The following ATG2A variants were observed in gnomAD, a reference collection of about 807,000 sequenced individuals.
The protein encoded by ATG2A is autophagy related 2A, also known as autophagy-related protein 2 homolog A.
A neutral mutation model predicts 214.2 loss-of-function variants in ATG2A; 103 were observed. The observed-to-expected ratio is 0.48, with a 90% CI of 0.41 to 0.57. The LOEUF is 0.57. Ranked by LOEUF, ATG2A falls within the 20% of genes least tolerant of loss-of-function variation. The pLI, the probability that ATG2A is intolerant of heterozygous loss-of-function variation, is 0.00. For missense variants in ATG2A, 2,312 were observed against 2,613.2 expected (o/e 0.88, Z 2.51); for synonymous variants, 1,160 against 1,142.1 (o/e 1.02, Z -0.32).
At chr11:64,908,812 G>C (rs976793586) in intron 16 of ATG2A, among the ~76,000 whole-genome samples, 179 bp downstream of exon 16, 1 of 152,218 alleles carries the variant, frequency 6.6e-6, no homozygotes, top group East Asian at 1.9e-4. Flanking sequence ...GTTTCAGAAA[G>C]ACTCTCTGAC....
In ATG2A at chr11:64,895,168, C is replaced by T. The variant is rs747970190; in HGVS notation, c.5622G>A (p.Ser1874=). 2.5e-6 allele frequency: 4 copies of T among 1,613,108 alleles called. No homozygotes were observed. Among genetic ancestry groups the T allele is most frequent in the Non-Finnish European group, 3.4e-6 (4 of 1,179,632 alleles). ...TCAGCCCCTTCTGCTCATGGCCCCG[C>T]GATGCCACGTCACAGATGGTCTGAG... The part of the protein sequence containing the change: ...DTAQTICDVA[S]RGHEQKGLTG... The change falls in exon 41 of 41, where the codon TCG becomes TCA. Residue 1874 remains serine (S), a synonymous_variant. Transcript: ENST00000377264. This position sits in a 1 kb window ranked among gnomAD's most constrained non-coding sequence, Gnocchi z 5.0.
At chr11:64,908,153 C>CA (rs1944627830) in intron 16 of ATG2A, among the ~76,000 whole-genome samples, 1 of 152,216 alleles carries the variant, frequency 6.6e-6, no homozygotes, top group Non-Finnish European at 1.5e-5. Context: ...CGCGGTGGCT[C>CA]ACGCCTGTAA....
chr11:64,914,693 G>A (rs1307644452), intron 1 of ATG2A, among the ~76,000 whole-genome samples, 193 bp from the exon 2 acceptor site: 1 of 152,088 alleles, frequency 6.6e-6, no homozygotes, highest in Non-Finnish European at 1.5e-5. Flanking sequence ...GTCACCCAAA[G>A]GTGCCTAATC....
rs773248950 is a variant in ATG2A, at chr11:64,916,297, C to CG, written c.171+667dup. On this transcript the variant is annotated intron_variant, in intron 1 of 40. Coordinates refer to ENST00000377264, the MANE Select transcript of ATG2A (RefSeq NM_015104.3). ...CTCCCTCCAGGCAGGGACACTGAGC[C>CG]GGGGGGGTCGGTGGGAGATGTAGGT... is the stretch of plus-strand genomic sequence containing the variant. 8.0e-4 allele frequency among the ~76,000 whole-genome samples: 122 copies of CG among 152,210 alleles called. 1 individual carries two copies. Among genetic ancestry groups the CG allele is most frequent in the Middle Eastern group, 3.4e-3 (1 of 294 alleles).
rs1410458580 is a variant in ATG2A at position 64,894,617 on chromosome 11, T to A, written c.*356A>T. On this transcript the variant is annotated 3_prime_UTR_variant, in exon 41 of 41. Coordinates refer to ENST00000377264, the MANE Select transcript of ATG2A (RefSeq NM_015104.3). Reference sequence around the variant, plus strand: ...ACTCACGGAGCTTAAAAATAATACATCGAACCACACGGATATCATCCCCTC... The same window carrying A: ...ACTCACGGAGCTTAAAAATAATACAACGAACCACACGGATATCATCCCCTC... 3.6e-6 allele frequency: 2 copies of A among 551,844 alleles called. No homozygotes were observed. The highest frequency in any genetic ancestry group is 4.4e-5 in the Admixed American group (2 of 45,274). The allele number at this position is 551,844 out of a possible 1,614,324, so 34.2% of individuals were successfully genotyped here. A position where few individuals can be genotyped will look rare whatever the true frequency, so the allele number is the denominator to read the frequency against.
intron 14 of ATG2A, 128 bp from the exon 15 acceptor site, chr11:64,909,495 G>A: frequency 7.2e-7 from 1 of 1,396,426 alleles, no homozygotes; most frequent in Non-Finnish European, 9.8e-7. Context: ...GAAAGCCAGA[G>A]ACAAAGGGTC....
chr11:64,908,821 A>G (rs1944652975), intron 16 of ATG2A, among the ~76,000 whole-genome samples, 170 bp downstream of exon 16: 1 of 152,232 alleles, frequency 6.6e-6, no homozygotes, highest in Non-Finnish European at 1.5e-5. Flanking sequence ...AGACTCTCTG[A>G]CTGGCTGGAA....
At chr11:64,916,880 C>T in intron 1 of ATG2A, 85 bp downstream of exon 1, 1 of 1,555,478 alleles carries the variant, frequency 6.4e-7, no homozygotes, top group Non-Finnish European at 8.7e-7. Context: ...GTGCCTGATC[C>T]CCCAGCCCGA....
In ATG2A at chr11:64,898,816, T is replaced by C. The variant is rs2136546432; in HGVS notation, c.4491A>G (p.Pro1497=). 1 of 1,612,138 alleles carries C rather than the reference T, an allele frequency of 6.2e-7. No individual in the cohort carries two copies. Among genetic ancestry groups the C allele is most frequent in the South Asian group, 1.1e-5 (1 of 91,080 alleles). The change falls in exon 32 of 41, where the codon CCA becomes CCG. Residue 1497 remains proline, a synonymous_variant. Coordinates refer to ENST00000377264, the MANE Select transcript of ATG2A (RefSeq NM_015104.3). This position sits in a 1 kb window ranked among gnomAD's most constrained non-coding sequence, Gnocchi z 4.5. ...SKVSFQHEVY[P]AEPATGPAAP... ...CCGCAGGGCCTGTGGCTGGCTCCGC[T>C]GGGTACACCTCGTGCTGGAAGCTTA...
At position 64,907,815 on chromosome 11, in the gene ATG2A, C is replaced by G; in HGVS notation, c.2440G>C (p.Glu814Gln). Reference sequence around the variant, plus strand: ...ATGTGGACACTGGGCAGGATCACTTCCAGGCTGCAGCGGGACAGTGCCAGG... The same window carrying G: ...ATGTGGACACTGGGCAGGATCACTTGCAGGCTGCAGCGGGACAGTGCCAGG... ...RTLALSRCSL[E>Q]VILPSVHIFL... The change falls in exon 17 of 41, where the codon GAA becomes CAA. Residue 814 changes from glutamate to glutamine, a missense_variant. Physicochemically the swap from Glu to Gln is conservative, Grantham distance 29 (BLOSUM62 2). Coordinates refer to ENST00000377264, the MANE Select transcript of ATG2A (RefSeq NM_015104.3). The G allele has an allele frequency of 6.2e-7, 1 of 1,613,522 alleles. No individual in the cohort carries two copies. Among genetic ancestry groups the G allele is most frequent in the Non-Finnish European group, 8.5e-7 (1 of 1,179,988 alleles).
intron 12 of ATG2A, 151 bp from the exon 13 acceptor site, chr11:64,910,346 T>C (rs574091674): frequency 7.9e-7 from 1 of 1,270,402 alleles, no homozygotes; most frequent in East Asian, 2.5e-5. Context: ...GCGCACAATG[T>C]GCTTGTTTAC....
In ATG2A at chr11:64,903,356, A is replaced by G; in HGVS notation, c.3544T>C (p.Cys1182Arg). ...TCCAAGAGGTCAACATCCAAAACAC[A>G]GACATAATCTGCAGCAGAGGCGAGA... ...ETLDLRRDYV[C>R]VLDVDLLELV... Residue 1182 changes from cysteine to arginine, a missense_variant, in exon 26 of 41, where the codon TGT (cysteine) becomes CGT (arginine). Transcript: ENST00000377264. The surrounding 1 kb of genome is among the most constrained non-coding windows in gnomAD (Gnocchi z 4.2). 6.2e-7 allele frequency: 1 copy of G among 1,614,100 alleles called. No homozygotes were observed. Among genetic ancestry groups the G allele is most frequent in the Non-Finnish European group, 8.5e-7 (1 of 1,180,000 alleles).
chr11:64,896,528 GGCAGCCCCTCGCT>G lies in ATG2A; in HGVS notation c.5348_5360del (p.Gln1783ProfsTer96), dbSNP rs1944157264. On this transcript the variant is annotated frameshift_variant, in exon 39 of 41. Coordinates refer to ENST00000377264, the MANE Select transcript of ATG2A (RefSeq NM_015104.3). LOFTEE classifies it high-confidence loss of function. Reference sequence around the variant, plus strand: ...CAGAGGCTGTGGATGAGCCAAAGGAGGCAGCCCCTCGCTGCAGCCCCCGCATGAGGCGGCCATC... The same window carrying G: ...CAGAGGCTGTGGATGAGCCAAAGGAGGCAGCCCCCGCATGAGGCGGCCATC... The G allele has an allele frequency of 6.2e-7, 1 of 1,613,866 alleles. No individual in the cohort carries two copies. The highest frequency in any genetic ancestry group is 8.5e-7 in the Non-Finnish European group (1 of 1,179,940).
At chr11:64,907,214 G>A (rs1001222718) in intron 19 of ATG2A, 41 bp downstream of exon 19, 1 of 1,460,268 alleles carries the variant, frequency 6.8e-7, no homozygotes, top group Non-Finnish European at 9.0e-7. Context: ...GCCAATGGGA[G>A]CTCTGAAGTT....
rs200023496 is a variant in ATG2A at position 64,901,020 on chromosome 11, G to A, written c.4192C>T (p.Arg1398Trp). The stretch of plus-strand genomic sequence containing the variant: ...AGCAAGTCCGTGCTGCCGATCGGCC[G>A]TGAGAAGTAACCGTCCCTCACAACG... Reference protein sequence around the residue: ...PIVVRDGYFSRPIGSTDLLRA... With the variant: ...PIVVRDGYFSWPIGSTDLLRA... Residue 1398 changes from arginine to tryptophan, a missense_variant, in exon 30 of 41, where the codon CGG becomes TGG. Arg to Trp is a moderately radical substitution (Grantham distance 101). Transcript: ENST00000377264. 3.6e-4 allele frequency: 579 copies of A among 1,590,158 alleles called. No individual in the cohort carries two copies. Among genetic ancestry groups the A allele is most frequent in the Middle Eastern group, 8.3e-4 (5 of 6,040 alleles).
rs1944414636 is a variant in ATG2A at position 64,903,024 on chromosome 11, T to G, written c.3612+264A>C. 6.6e-6 allele frequency among the ~76,000 whole-genome samples: 1 copy of G among 151,984 alleles called. No individual in the cohort carries two copies. The highest frequency in any genetic ancestry group is 6.5e-5 in the Admixed American group (1 of 15,276). On this transcript the variant is annotated intron_variant, in intron 26 of 40. Transcript: ENST00000377264. This position sits in a 1 kb window ranked among gnomAD's most constrained non-coding sequence, Gnocchi z 4.2. ...CCGGGGACCTACAAAGGTGGCTGAT[T>G]CCCAGGGCCTCGCTGGTGCCCTGGC... is the stretch of plus-strand genomic sequence containing the variant.
At chr11:64,904,543 C>CAA (rs56721707) in intron 24 of ATG2A, among the ~76,000 whole-genome samples, 1 of 122,806 alleles carries the variant, frequency 8.1e-6, no homozygotes, top group Non-Finnish European at 1.8e-5. Context: ...GACTCTGTCT[C>CAA]AAAAAAAAAA....
At position 64,913,002 on chromosome 11, in the gene ATG2A, G is replaced by A; in HGVS notation, c.825+36C>T. On this transcript the variant is annotated intron_variant, in intron 6 of 40. Transcript: ENST00000377264. The surrounding 1 kb of genome is among the most constrained non-coding windows in gnomAD (Gnocchi z 4.3). ...CTGAGGAGGAGGAGTCTTGAGATGG[G>A]GTACTCACCCCCTCCCCAGGGGCCT... The A allele has an allele frequency of 6.3e-6, 9 of 1,437,868 alleles. No individual in the cohort carries two copies. The highest frequency in any genetic ancestry group is 8.4e-6 in the Non-Finnish European group (9 of 1,067,246). The allele number at this position is 1,437,868 out of a possible 1,614,324, so 89.1% of individuals were successfully genotyped here.
chr11:64,906,717 T>C lies in ATG2A; in HGVS notation c.2931A>G (p.Pro977=). ...CTTCCAGACAGAAGTAGCCAAGTCC[T>C]GGCTGGCCACAGTACTGGGAGACGC... ...LFSVSQYCGQ[P]GLGYFCLEAE... is the part of the protein sequence containing the mutation. The change falls in exon 20 of 41, where the codon CCA becomes CCG. Residue 977 remains proline (P), a synonymous_variant. Coordinates refer to ENST00000377264, the MANE Select transcript of ATG2A (RefSeq NM_015104.3). 6.2e-7 allele frequency: 1 copy of C among 1,613,674 alleles called. No homozygotes were observed. The highest frequency in any genetic ancestry group is 8.5e-7 in the Non-Finnish European group (1 of 1,180,014).
Sources: allele counts gnomAD v4.1 joint callset (sites outside exome capture counted in the v4.1 genomes callset), GRCh38; gene constraint gnomAD v4.1.1; non-coding constraint Gnocchi (gnomAD v3.1); transcripts MANE v1.5; gene names NCBI Gene and HGNC (gene_info 2026-07-23, HGNC 2026-07-21).